Variants in DPP6 observed in about 807,000 individuals in gnomAD.
DPP6 encodes the protein A-type potassium channel modulatory protein DPP6.
DPP6 carries 69 observed loss-of-function variants against 122.6 expected under a neutral mutation model. The ratio of observed to expected loss-of-function variants is 0.56; its 90% CI spans 0.46 to 0.69. The LOEUF (loss-of-function observed/expected upper bound fraction) is 0.69. Ranked by LOEUF, DPP6 falls within the 30% of genes least tolerant of loss-of-function variation. The pLI, the probability that DPP6 is intolerant of heterozygous loss-of-function variation, is 0.00. For missense variants in DPP6, 928 were observed against 1,116.9 expected, an observed-to-expected ratio of 0.83 and a Z score of 2.41; for synonymous variants, 418 against 433.1, an observed-to-expected ratio of 0.97 and a Z score of 0.43.
At chr7:154,239,502 T>C (rs965194528) in intron 1 of DPP6, among the ~76,000 whole-genome samples, 6 of 152,136 alleles carry the variant, frequency 3.9e-5, no homozygotes, top group Non-Finnish European at 7.4e-5. Flanking sequence ...TTCTCTTCCT[T>C]AGGATTTTTT....
At chr7:154,381,690 G>C (rs1813625848) in intron 1 of DPP6, among the ~76,000 whole-genome samples, 1 of 152,192 alleles carries the variant, frequency 6.6e-6, no homozygotes, top group East Asian at 1.9e-4. Context: ...GATAATTATA[G>C]AACAGGGTTA....
chr7:153,942,313 A>C (rs1043929227), intron 1 of DPP6, among the ~76,000 whole-genome samples: 2 of 152,180 alleles, frequency 1.3e-5, no homozygotes, highest in African/African-American at 4.8e-5. Context: ...ATTTGCATTT[A>C]AACTGCACAC....
intron 1 of DPP6, among the ~76,000 whole-genome samples, chr7:154,113,042 A>G (rs1015792361): frequency 3.9e-5 from 6 of 152,276 alleles, no homozygotes; most frequent in Non-Finnish European, 7.4e-5. Context: ...GTTTTTGCAT[A>G]TGGCAGGATT....
At chr7:153,912,792 A>T (rs1426467362) in intron 1 of DPP6, among the ~76,000 whole-genome samples, 1 of 152,154 alleles carries the variant, frequency 6.6e-6, no homozygotes, top group African/African-American at 2.4e-5. Context: ...TTTTGCAGGG[A>T]GGAATAGCTG....
At chr7:154,789,866 C>A (rs1009827302) in intron 10 of DPP6, among the ~76,000 whole-genome samples, 26 of 152,194 alleles carry the variant, frequency 1.7e-4, no homozygotes, top group Non-Finnish European at 2.9e-4. Context: ...GGTGATGCTT[C>A]ACCCTCGTAC....
intron 17 of DPP6, among the ~76,000 whole-genome samples, chr7:154,854,870 T>A (rs1327855989): frequency 6.6e-6 from 1 of 152,148 alleles, no homozygotes; most frequent in Non-Finnish European, 1.5e-5. Context: ...TCCCTCTGTC[T>A]AACCCAAAGC....
the DPP6 span, among the ~76,000 whole-genome samples, chr7:153,814,490 C>G: frequency 1.3e-5 from 2 of 152,026 alleles, no homozygotes; most frequent in Non-Finnish European, 2.9e-5. Flanking sequence ...AAAAAGAGTC[C>G]AGGACCAGAT....
chr7:154,257,691 TC>T (rs1023109009), intron 1 of DPP6, among the ~76,000 whole-genome samples: 1 of 149,850 alleles, frequency 6.7e-6, no homozygotes, highest in African/African-American at 2.5e-5. Context: ...GAGTGAAAAC[TC>T]CATTTCAAAA....
the DPP6 span, among the ~76,000 whole-genome samples, chr7:153,848,498 C>T: frequency 6.6e-6 from 1 of 152,166 alleles, no homozygotes; most frequent in Non-Finnish European, 1.5e-5. Context: ...TTTCCCACCA[C>T]CCTGACCAAT....
In DPP6 at chr7:154,659,673, C is replaced by A. The variant is rs186542030; in HGVS notation, c.681-9687C>A. On this transcript the variant is annotated intron_variant, in intron 6 of 25. Transcript: ENST00000377770. Reference sequence around the variant, plus strand: ...GGCAGAGTTCAGAATTAAATTTACACCTTCTTGGAATTATCTCCACCACTT... The same window carrying A: ...GGCAGAGTTCAGAATTAAATTTACAACTTCTTGGAATTATCTCCACCACTT... Among the ~76,000 whole-genome samples the A allele has an allele frequency of 4.1e-4, 62 of 152,306 alleles. 1 individual carries two copies. In the East Asian group the frequency reaches 0.011, roughly 28 times the overall value.
chr7:154,091,434 A>T (rs977346365), intron 1 of DPP6, among the ~76,000 whole-genome samples: 2 of 152,132 alleles, frequency 1.3e-5, no homozygotes, highest in African/African-American at 4.8e-5. Flanking sequence ...ATCTGAATGC[A>T]TTTCTTGTAA....
intron 7 of DPP6, among the ~76,000 whole-genome samples, chr7:154,720,597 C>T (rs1355689735): frequency 6.6e-6 from 1 of 152,236 alleles, no homozygotes; most frequent in Non-Finnish European, 1.5e-5. Context: ...GCAGGGCCCC[C>T]CGGCTGCAGC....
intron 1 of DPP6, among the ~76,000 whole-genome samples, chr7:154,337,737 C>T (rs1036277289): frequency 1.2e-4 from 19 of 152,218 alleles, no homozygotes; most frequent in African/African-American, 4.3e-4. Flanking sequence ...GAGGAAGTCA[C>T]CTCTTTTAGC....
rs191449621 is a variant in DPP6, at chr7:154,549,317, A to G, written c.552+8691A>G. Among the ~76,000 whole-genome samples the G allele has an allele frequency of 4.1e-4, 62 of 152,344 alleles. 2 individuals carry two copies. In the East Asian group the frequency reaches 9.3e-3, roughly 23 times the overall value. On this transcript the variant is annotated intron_variant, in intron 4 of 25. Coordinates refer to ENST00000377770, the MANE Select transcript of DPP6 (RefSeq NM_130797.4). ...ATCAGAGTTGTCCTTTATCATTAAG[A>G]GGTACAATAAAAAGGTTCCAATCAC... is the stretch of plus-strand genomic sequence containing the variant.
At chr7:153,938,954 T>C (rs1377152010) in intron 1 of DPP6, among the ~76,000 whole-genome samples, 2 of 152,198 alleles carry the variant, frequency 1.3e-5, no homozygotes, top group African/African-American at 2.4e-5. Context: ...AAAGTACTTT[T>C]TCAAATACAT....
chr7:154,646,730 T>G (rs761538951), intron 6 of DPP6, among the ~76,000 whole-genome samples: 1 of 152,192 alleles, frequency 6.6e-6, no homozygotes, highest in Non-Finnish European at 1.5e-5. Flanking sequence ...GGGTGTGGAC[T>G]CTGCCTGTAA....
At chr7:154,131,801 G>C (rs957224371) in intron 1 of DPP6, among the ~76,000 whole-genome samples, 2 of 152,090 alleles carry the variant, frequency 1.3e-5, no homozygotes, top group African/African-American at 4.8e-5. Flanking sequence ...GTCAAATAGA[G>C]GTGCTCAAGG....
At chr7:154,411,399 C>T (rs1176982088) in intron 1 of DPP6, among the ~76,000 whole-genome samples, 1 of 152,034 alleles carries the variant, frequency 6.6e-6, no homozygotes, top group Non-Finnish European at 1.5e-5. Flanking sequence ...ACCACCATGC[C>T]CAGCTAATTT....
intron 2 of DPP6, 42 bp downstream of exon 2, chr7:154,446,370 G>C (rs1442499839): frequency 1.3e-6 from 2 of 1,504,610 alleles, no homozygotes; most frequent in Non-Finnish European, 1.8e-6. Flanking sequence ...CTGTCAGAGA[G>C]AAAGAGCATA....
Sources: allele counts gnomAD v4.1 joint callset (sites outside exome capture counted in the v4.1 genomes callset), GRCh38; gene constraint gnomAD v4.1.1; transcripts MANE v1.5; gene names NCBI Gene and HGNC (gene_info 2026-07-23, HGNC 2026-07-21).